OOSP1: variants seen among roughly 807,000 people sequenced by gnomAD.
OOSP1 encodes putative oocyte-secreted protein 1 homolog.
In OOSP1, 11 loss-of-function variants were observed where a neutral mutation model predicts 5.7. That is an observed-to-expected ratio of 1.94 (90% CI 1.22 to 3.20). The LOEUF (loss-of-function observed/expected upper bound fraction) is 3.20, where lower values mean the gene tolerates loss of function less well. Ranked by LOEUF, OOSP1 falls within the 30% of genes most tolerant of loss-of-function variation. The pLI is 0.00. For synonymous variants in OOSP1, 44 were observed against 20.0 expected (o/e 2.20, Z -3.20); for missense variants, 83 against 54.1 (o/e 1.53, Z -1.67).
In OOSP1 at chr11:59,939,963, C is replaced by T. The variant is rs1445099136; in HGVS notation, c.76+1433C>T. On this transcript the variant is annotated intron_variant, in intron 1 of 4. Transcript: ENST00000646685. ...CTATGTTGCCCAGGCTAGTCTCCAA[C>T]TCTTGACCTCAAGGAATCCTCCCAC... 2.0e-5 allele frequency among the ~76,000 whole-genome samples: 3 copies of T among 152,328 alleles called. No individual in the cohort carries two copies. The South Asian group carries it at 6.2e-4, about 32-fold the overall frequency.
intron 4 of OOSP1, among the ~76,000 whole-genome samples, chr11:59,952,597 A>G (rs927913789): frequency 2.0e-5 from 3 of 152,140 alleles, no homozygotes; most frequent in Non-Finnish European, 4.4e-5. Context: ...GTACACAAAG[A>G]CATGCAGAGT....
At chr11:59,948,947 A>G in intron 4 of OOSP1, 2 of 394,272 alleles carry the variant, frequency 5.1e-6, no homozygotes, top group Non-Finnish European at 8.9e-6. Context: ...GCTGCCTTCC[A>G]CTATTCCCTT....
chr11:59,939,269 T>C (rs955162178), intron 1 of OOSP1, among the ~76,000 whole-genome samples: 4 of 151,718 alleles, frequency 2.6e-5, no homozygotes, highest in Admixed American at 2.0e-4. Flanking sequence ...TCTTTTTTTT[T>C]TGGGACAAGA....
chr11:59,946,686 C>T (rs890939651), intron 3 of OOSP1, among the ~76,000 whole-genome samples: 13 of 152,094 alleles, frequency 8.5e-5, no homozygotes, highest in Non-Finnish European at 1.0e-4. Context: ...ATGCAAGTTT[C>T]CTGAAGGCAA....
intron 4 of OOSP1, among the ~76,000 whole-genome samples, chr11:59,955,382 T>C (rs181903053): frequency 7.3e-4 from 111 of 152,256 alleles, no homozygotes; most frequent in African/African-American, 2.4e-3. Context: ...AATCTGGCAT[T>C]GTCTCGTTTC....
intron 4 of OOSP1, among the ~76,000 whole-genome samples, chr11:59,954,515 G>A (rs376787232): frequency 1.1e-4 from 17 of 152,028 alleles, no homozygotes; most frequent in South Asian, 4.2e-4. Flanking sequence ...AGAGAGTATC[G>A]TTTTTATTTC....
intron 4 of OOSP1, among the ~76,000 whole-genome samples, chr11:59,952,744 C>G (rs1853952642): frequency 6.6e-6 from 1 of 152,096 alleles, no homozygotes; most frequent in Non-Finnish European, 1.5e-5. Flanking sequence ...CTATCTAATT[C>G]ATCTATCTAA....
At chr11:59,945,342 A>AG (rs1349689968) in intron 3 of OOSP1, 76 bp downstream of exon 3, 1 of 701,880 alleles carries the variant, frequency 1.4e-6, no homozygotes, top group African/African-American at 1.7e-5. Flanking sequence ...CAAACCTGAA[A>AG]GGTTAAATGG....
chr11:59,943,292 G>A (rs901655540), intron 2 of OOSP1, among the ~76,000 whole-genome samples: 8 of 151,846 alleles, frequency 5.3e-5, no homozygotes, highest in African/African-American at 1.5e-4. Context: ...ACACCAACAT[G>A]GCACATGTAT....
chr11:59,944,403 G>A (rs1306718585), intron 2 of OOSP1, among the ~76,000 whole-genome samples: 4 of 151,864 alleles, frequency 2.6e-5, no homozygotes, highest in South Asian at 2.1e-4. Context: ...AATAATCTGG[G>A]TGGTGGTAGT....
chr11:59,953,504 G>A (rs1350476197), intron 4 of OOSP1, among the ~76,000 whole-genome samples: 3 of 152,092 alleles, frequency 2.0e-5, no homozygotes, highest in African/African-American at 7.2e-5. Context: ...TTCACTTCAT[G>A]TCAAAATTAA....
At chr11:59,949,856 T>C (rs1853921757) in intron 4 of OOSP1, among the ~76,000 whole-genome samples, 1 of 152,142 alleles carries the variant, frequency 6.6e-6, no homozygotes. Context: ...ACAAGGCCAA[T>C]GGTCCTCAGC....
At position 59,945,065 on chromosome 11, in the gene OOSP1, T is replaced by C. The variant is rs1427806344; in HGVS notation, c.259-104T>C. On this transcript the variant is annotated intron_variant, in intron 2 of 4. Coordinates refer to ENST00000646685, the Ensembl canonical transcript of OOSP1. ...TTATAGTTGAGTGAGAGTGTGACCA[T>C]TTTTAGAAAGCTTGATGTATCTATA... 26 of 651,498 alleles carry C rather than the reference T, an allele frequency of 4.0e-5. No individual in the cohort carries two copies. The Admixed American group carries it at 5.0e-4, about 13-fold the overall frequency. The allele number at this position is 651,498 out of a possible 1,614,324, so 40.4% of individuals were successfully genotyped here.
chr11:59,954,993 G>A (rs1483307430), intron 4 of OOSP1, among the ~76,000 whole-genome samples: 1 of 151,440 alleles, frequency 6.6e-6, no homozygotes, highest in Non-Finnish European at 1.5e-5. Context: ...ACATTTAGAG[G>A]TGCTATACAA....
intron 4 of OOSP1, chr11:59,948,826 T>C (rs1853913075): frequency 5.0e-6 from 2 of 397,862 alleles, no homozygotes; most frequent in Non-Finnish European, 8.9e-6. Context: ...TGCTTAGGAC[T>C]GAGGATTTAA....
chr11:59,950,588 T>A (rs908999958), intron 4 of OOSP1, among the ~76,000 whole-genome samples: 7 of 152,160 alleles, frequency 4.6e-5, no homozygotes, highest in Non-Finnish European at 1.0e-4. Context: ...CAGGTGGAGT[T>A]GTCAGCTGTA....
intron 1 of OOSP1, among the ~76,000 whole-genome samples, chr11:59,940,116 A>G (rs1359569257): frequency 2.0e-5 from 3 of 152,248 alleles, no homozygotes; most frequent in African/African-American, 4.8e-5. Context: ...TACCCGTTCA[A>G]CAAGACAACC....
chr11:59,942,464 C>G (rs919550328), intron 1 of OOSP1, among the ~76,000 whole-genome samples: 1 of 151,990 alleles, frequency 6.6e-6, no homozygotes, highest in Non-Finnish European at 1.5e-5. Flanking sequence ...GAAGGGCTTG[C>G]GTCAAAGAGC....
intron 1 of OOSP1, among the ~76,000 whole-genome samples, chr11:59,940,210 A>C (rs1853811202): frequency 6.6e-6 from 1 of 152,262 alleles, no homozygotes; most frequent in South Asian, 2.1e-4. Flanking sequence ...TGGATAACTA[A>C]GTTTAAAAAA....
Sources: allele counts gnomAD v4.1 joint callset (sites outside exome capture counted in the v4.1 genomes callset), GRCh38; gene constraint gnomAD v4.1.1; transcripts MANE v1.5; gene names NCBI Gene and HGNC (gene_info 2026-07-23, HGNC 2026-07-21).